The following CALCR variants were observed in gnomAD, a reference collection of about 807,000 sequenced individuals.
CALCR encodes calcitonin receptor.
A neutral mutation model predicts 59.5 loss-of-function variants in CALCR; 47 were observed. The observed-to-expected ratio is 0.79, with a 90% CI of 0.63 to 1.01. The LOEUF (loss-of-function observed/expected upper bound fraction) is 1.01, where lower values mean the gene tolerates loss of function less well. CALCR is among the 50% of genes least tolerant of loss of function. The pLI, the probability that CALCR is intolerant of heterozygous loss-of-function variation, is 0.00. For missense variants in CALCR, 566 were observed against 597.1 expected (o/e 0.95, Z 0.54); for synonymous variants, 213 against 211.3 (o/e 1.01, Z -0.07).
At chr7:93,547,817 G>T (rs1387726774) in intron 2 of CALCR, among the ~76,000 whole-genome samples, 1 of 152,144 alleles carries the variant, frequency 6.6e-6, no homozygotes, top group Non-Finnish European at 1.5e-5. Context: ...CTGTATCATG[G>T]ACTTTCAGCT....
intron 3 of CALCR, among the ~76,000 whole-genome samples, chr7:93,481,157 G>A (rs1193005878): frequency 2.0e-5 from 3 of 151,818 alleles, no homozygotes; most frequent in Non-Finnish European, 4.4e-5. Context: ...CCAAGTGTCA[G>A]GGACATGAAA....
chr7:93,449,808 TA>T lies in CALCR; in HGVS notation c.649-6052del, dbSNP rs1294775824. On this transcript the variant is annotated intron_variant, in intron 8 of 13. Coordinates refer to ENST00000426151, the MANE Select transcript of CALCR (RefSeq NM_001742.4). The stretch of plus-strand genomic sequence containing the variant: ...AGGCTGCTGACATCAATAGAAAACT[TA>T]CAATGCTGGATGAATTCCTGTGGGG... Among the ~76,000 whole-genome samples, 5 of 152,172 alleles carry T rather than the reference TA, an allele frequency of 3.3e-5. No homozygotes were observed. In the East Asian group the frequency reaches 9.7e-4, roughly 29 times the overall value.
At chr7:93,446,411 C>A (rs377135663) in intron 8 of CALCR, among the ~76,000 whole-genome samples, 2 of 151,944 alleles carry the variant, frequency 1.3e-5, no homozygotes, top group East Asian at 3.9e-4. Flanking sequence ...TATACAGAAC[C>A]ACACCTCATC....
intron 13 of CALCR, among the ~76,000 whole-genome samples, chr7:93,428,565 C>A (rs949161828): frequency 1.3e-5 from 2 of 152,098 alleles, no homozygotes; most frequent in African/African-American, 4.8e-5. Context: ...CTTTGGGAGG[C>A]CGAGGCGGGC....
At chr7:93,554,208 A>C (rs905053862) in intron 2 of CALCR, among the ~76,000 whole-genome samples, 4 of 152,190 alleles carry the variant, frequency 2.6e-5, no homozygotes, top group Non-Finnish European at 5.9e-5. Flanking sequence ...GTACATTTTT[A>C]ATAAGCCATC....
At chr7:93,560,851 C>T (rs370438327) in intron 2 of CALCR, among the ~76,000 whole-genome samples, 3 of 152,148 alleles carry the variant, frequency 2.0e-5, no homozygotes, top group East Asian at 3.8e-4. Flanking sequence ...TTGTCTCAAG[C>T]TCCAACTTCA....
At chr7:93,517,546 G>A (rs2116072247) in intron 2 of CALCR, among the ~76,000 whole-genome samples, 1 of 151,820 alleles carries the variant, frequency 6.6e-6, no homozygotes, top group Middle Eastern at 3.4e-3. Flanking sequence ...TATCTTTTTA[G>A]AATTCTTGAA....
intron 2 of CALCR, among the ~76,000 whole-genome samples, chr7:93,498,503 C>G (rs1801257653): frequency 6.6e-6 from 1 of 151,606 alleles, no homozygotes. Context: ...TATCGGAACT[C>G]TAATAGCAGC....
intron 7 of CALCR, among the ~76,000 whole-genome samples, chr7:93,465,382 T>C (rs994926637): frequency 2.0e-5 from 3 of 151,954 alleles, no homozygotes; most frequent in Non-Finnish European, 4.4e-5. Context: ...ACACTTACTA[T>C]TGGAATCTAG....
chr7:93,553,785 C>T (rs749334071), intron 2 of CALCR, among the ~76,000 whole-genome samples: 2 of 152,142 alleles, frequency 1.3e-5, no homozygotes, highest in Non-Finnish European at 2.9e-5. Flanking sequence ...GTCTTCTTCT[C>T]CACAAAATTA....
intron 2 of CALCR, among the ~76,000 whole-genome samples, chr7:93,517,770 T>C (rs1801679447): frequency 6.6e-6 from 1 of 151,930 alleles, no homozygotes; most frequent in Non-Finnish European, 1.5e-5. Context: ...GTAATGAGGA[T>C]ACATTTGCAA....
intron 6 of CALCR, among the ~76,000 whole-genome samples, chr7:93,470,209 G>A (rs976102272): frequency 8.6e-5 from 13 of 151,260 alleles, no homozygotes; most frequent in African/African-American, 3.2e-4. Context: ...TATAATTGGA[G>A]CTGATAAAAT....
At chr7:93,509,760 A>G (rs1801503766) in intron 2 of CALCR, among the ~76,000 whole-genome samples, 1 of 152,204 alleles carries the variant, frequency 6.6e-6, no homozygotes, top group Admixed American at 6.5e-5. Flanking sequence ...CGAACTTAGA[A>G]TCAAATAAAT....
intron 6 of CALCR, among the ~76,000 whole-genome samples, chr7:93,471,560 C>T (rs1467796320): frequency 2.6e-5 from 4 of 151,860 alleles, no homozygotes; most frequent in Non-Finnish European, 4.4e-5. Context: ...TAGTTTTCAA[C>T]TGAATAATTA....
At chr7:93,473,051 T>C (rs1345770220) in intron 5 of CALCR, among the ~76,000 whole-genome samples, 2 of 151,786 alleles carry the variant, frequency 1.3e-5, no homozygotes, top group African/African-American at 4.8e-5. Flanking sequence ...AAGAGGCCAT[T>C]TTTCTGCCTC....
At chr7:93,505,325 G>A (rs1005713261) in intron 2 of CALCR, among the ~76,000 whole-genome samples, 2 of 152,148 alleles carry the variant, frequency 1.3e-5, no homozygotes, top group African/African-American at 2.4e-5. Flanking sequence ...GAAAATAGTC[G>A]TACTTTAACT....
intron 9 of CALCR, among the ~76,000 whole-genome samples, chr7:93,441,711 C>T (rs1023722479): frequency 3.9e-5 from 6 of 152,018 alleles, no homozygotes; most frequent in Admixed American, 2.0e-4. Context: ...CAGGGTGCAG[C>T]GCTGCTCTCC....
chr7:93,457,309 G>A (rs1379472225), intron 8 of CALCR, among the ~76,000 whole-genome samples: 1 of 152,146 alleles, frequency 6.6e-6, no homozygotes, highest in Non-Finnish European at 1.5e-5. Flanking sequence ...CAACCGCTGG[G>A]AAGTGAGCAG....
At chr7:93,504,056 A>C (rs1024984020) in intron 2 of CALCR, among the ~76,000 whole-genome samples, 16 of 152,200 alleles carry the variant, frequency 1.1e-4, no homozygotes, top group Non-Finnish European at 2.4e-4. Flanking sequence ...GTATTTCACA[A>C]ATGTAATTAC....
Sources: gnomAD v4.1 joint callset for allele counts (sites outside exome capture counted in the v4.1 genomes callset) on GRCh38, gnomAD v4.1.1 for gene constraint, MANE v1.5 for transcripts, NCBI Gene and HGNC (gene_info 2026-07-23, HGNC 2026-07-21) for gene names.